Variants in SENP7 observed in about 807,000 individuals in gnomAD.
SENP7 encodes the protein SUMO specific peptidase 7, also known as sentrin-specific protease 7.
In SENP7, 64 loss-of-function variants were observed where a neutral mutation model predicts 141.2. That is an observed-to-expected ratio of 0.45 (90% CI 0.37 to 0.56). The LOEUF (loss-of-function observed/expected upper bound fraction) is 0.56. Ranked by LOEUF, SENP7 falls within the 20% of genes least tolerant of loss-of-function variation. The pLI, the probability that SENP7 is intolerant of heterozygous loss-of-function variation, is 0.00. For synonymous variants in SENP7, 382 were observed against 426.4 expected, an observed-to-expected ratio of 0.90 and a Z score of 1.28; for missense variants, 1,025 against 1,212.2, an observed-to-expected ratio of 0.85 and a Z score of 2.29.
chr3:101,456,519 G>A (rs2063355011), intron 4 of SENP7, among the ~76,000 whole-genome samples: 1 of 152,054 alleles, frequency 6.6e-6, no homozygotes. Flanking sequence ...CTGTGACCAT[G>A]CCTGAAAATC....
chr3:101,457,184 A>G (rs1291049142), intron 4 of SENP7: 2 of 1,210,398 alleles, frequency 1.7e-6, no homozygotes, highest in African/African-American at 1.5e-5. Context: ...TAGTCATAAT[A>G]TAAAATAGCA....
At chr3:101,493,310 G>A (rs990844185) in intron 3 of SENP7, among the ~76,000 whole-genome samples, 4 of 152,078 alleles carry the variant, frequency 2.6e-5, no homozygotes, top group Non-Finnish European at 4.4e-5. Flanking sequence ...ATATCTGGGC[G>A]ATGAAATAAT....
Position 101,452,458 on chromosome 3 carries a change from C to T in SENP7, c.284+6497G>A, listed in dbSNP as rs1334298044. 2.0e-5 allele frequency among the ~76,000 whole-genome samples: 3 copies of T among 152,252 alleles called. No homozygotes were observed. The South Asian group carries it at 6.2e-4, about 32-fold the overall frequency. ...CTGGAGGCATCATGCTACCTGACTT[C>T]AAACTATACTACAAGGCTACAGTAA... On this transcript the variant is annotated intron_variant, in intron 4 of 23. Coordinates refer to ENST00000394095, the MANE Select transcript of SENP7 (RefSeq NM_020654.5).
chr3:101,468,466 G>A (rs984319023), intron 3 of SENP7, among the ~76,000 whole-genome samples: 2 of 152,164 alleles, frequency 1.3e-5, no homozygotes, highest in Non-Finnish European at 2.9e-5. Flanking sequence ...GAGAAAGGTC[G>A]AGTTACTCAC....
chr3:101,364,094 G>A (rs2059971639), intron 10 of SENP7, among the ~76,000 whole-genome samples: 1 of 152,070 alleles, frequency 6.6e-6, no homozygotes, highest in Non-Finnish European at 1.5e-5. Flanking sequence ...CAGGCTTGCT[G>A]GCATGAGCCT....
intron 4 of SENP7, among the ~76,000 whole-genome samples, chr3:101,450,066 T>A: frequency 6.6e-6 from 1 of 152,108 alleles, no homozygotes; most frequent in East Asian, 1.9e-4. Context: ...GCAATCCTAG[T>A]CTCGGATAAA....
At chr3:101,340,715 C>G (rs546648781) in intron 15 of SENP7, among the ~76,000 whole-genome samples, 2 of 152,232 alleles carry the variant, frequency 1.3e-5, no homozygotes, top group African/African-American at 2.4e-5. Context: ...AACATGGGAG[C>G]TTAGGAGGCA....
chr3:101,410,724 G>A (rs549401323), intron 5 of SENP7, among the ~76,000 whole-genome samples: 9 of 151,912 alleles, frequency 5.9e-5, no homozygotes, highest in African/African-American at 1.2e-4. Flanking sequence ...ACACACCTGC[G>A]ATCCCAGCTA....
chr3:101,390,665 C>T (rs1354335213), intron 6 of SENP7, among the ~76,000 whole-genome samples: 2 of 152,164 alleles, frequency 1.3e-5, no homozygotes, highest in Non-Finnish European at 2.9e-5. Flanking sequence ...GGGATTTCAA[C>T]ACCCTACTCT....
intron 9 of SENP7, 32 bp from the exon 10 acceptor site, chr3:101,365,023 T>G (rs2059998644): frequency 1.7e-6 from 2 of 1,195,284 alleles, no homozygotes; most frequent in East Asian, 6.2e-5. Context: ...TATTTTTGTT[T>G]ATTTATTTAT....
chr3:101,343,041 G>A (rs1255070505), intron 14 of SENP7, among the ~76,000 whole-genome samples: 1 of 152,088 alleles, frequency 6.6e-6, no homozygotes, highest in African/African-American at 2.4e-5. Flanking sequence ...TAATTATATT[G>A]AGATTACATA....
At chr3:101,468,206 T>C (rs183413835) in intron 3 of SENP7, among the ~76,000 whole-genome samples, 333 of 152,320 alleles carry the variant, frequency 2.2e-3, no homozygotes, top group Admixed American at 3.3e-3. Context: ...TATGGGACTA[T>C]GTGAAAAGAC....
At chr3:101,446,052 T>TG (rs1288026471) in intron 4 of SENP7, among the ~76,000 whole-genome samples, 1 of 152,166 alleles carries the variant, frequency 6.6e-6, no homozygotes. Context: ...GATTGGTTCG[T>TG]GGGGGAGAAT....
intron 6 of SENP7, among the ~76,000 whole-genome samples, chr3:101,385,222 A>C (rs2060620101): frequency 6.6e-6 from 1 of 152,072 alleles, no homozygotes. Context: ...AGACAAAAAA[A>C]ATACCTTGAA....
chr3:101,472,185 A>G (rs1472079702), intron 3 of SENP7, among the ~76,000 whole-genome samples: 1 of 152,268 alleles, frequency 6.6e-6, no homozygotes, highest in Admixed American at 6.5e-5. Context: ...TCATGCTACT[A>G]TAAAGACACA....
intron 4 of SENP7, among the ~76,000 whole-genome samples, chr3:101,448,142 T>C (rs2062966274): frequency 1.3e-5 from 2 of 152,184 alleles, no homozygotes; most frequent in African/African-American, 4.8e-5. Context: ...TATAAAACTC[T>C]TAGAAGAAAA....
Position 101,423,020 on chromosome 3 carries a change from G to A in SENP7, c.285-5230C>T, listed in dbSNP as rs531006457. ...ACTTGGAGTCCTACATTTTGATTCC[G>A]GAAAATAAACTAACAATTGGGATGA... is the stretch of plus-strand genomic sequence containing the variant. On this transcript the variant is annotated intron_variant, in intron 4 of 23. Coordinates refer to ENST00000394095, the MANE Select transcript of SENP7 (RefSeq NM_020654.5). Among the ~76,000 whole-genome samples, 40 of 152,066 alleles carry A rather than the reference G, an allele frequency of 2.6e-4. No individual in the cohort carries two copies. In the South Asian group the frequency reaches 4.8e-3, roughly 18 times the overall value.
At chr3:101,383,661 C>G (rs980977053) in intron 6 of SENP7, among the ~76,000 whole-genome samples, 1 of 152,196 alleles carries the variant, frequency 6.6e-6, no homozygotes, top group Non-Finnish European at 1.5e-5. Flanking sequence ...TACACATGCT[C>G]GGGTACACGC....
chr3:101,436,973 G>A (rs1349226879), intron 4 of SENP7, among the ~76,000 whole-genome samples: 1 of 152,106 alleles, frequency 6.6e-6, no homozygotes, highest in Non-Finnish European at 1.5e-5. Flanking sequence ...TGATCTAAGT[G>A]CCCATTAATA....
Sources: allele counts gnomAD v4.1 joint callset (sites outside exome capture counted in the v4.1 genomes callset), GRCh38; gene constraint gnomAD v4.1.1; transcripts MANE v1.5; gene names NCBI Gene and HGNC (gene_info 2026-07-23, HGNC 2026-07-21).